SESTD1: variants seen among roughly 807,000 people sequenced by gnomAD.
The protein encoded by SESTD1 is SEC14 and spectrin domain containing 1.
Under a neutral mutation model 101.7 loss-of-function variants are expected in SESTD1, and 43 were observed. The observed-to-expected ratio is 0.42, with a 90% confidence interval of 0.33 to 0.55. The LOEUF (loss-of-function observed/expected upper bound fraction) is 0.55. Among genes scored for constraint, SESTD1 ranks in the 20% least tolerant of loss-of-function variants. SESTD1 has a pLI of 0.07. For missense variants in SESTD1, 647 were observed against 815.1 expected, an observed-to-expected ratio of 0.79 and a Z score of 2.51; for synonymous variants, 283 against 286.8, an observed-to-expected ratio of 0.99 and a Z score of 0.13.
At chr2:179,221,249 T>C (rs1315974790) in intron 1 of SESTD1, among the ~76,000 whole-genome samples, 1 of 151,518 alleles carries the variant, frequency 6.6e-6, no homozygotes, top group Non-Finnish European at 1.5e-5. Context: ...ATTATAATAG[T>C]GTTACCAAGG....
chr2:179,202,747 C>G (rs2046537535), intron 1 of SESTD1, among the ~76,000 whole-genome samples: 1 of 135,186 alleles, frequency 7.4e-6, no homozygotes, highest in East Asian at 2.0e-4. Context: ...TGAATGGAAT[C>G]ATTCTCTCCC....
chr2:179,169,457 CAG>C (rs1284700307), intron 5 of SESTD1, among the ~76,000 whole-genome samples: 10 of 151,888 alleles, frequency 6.6e-5, no homozygotes, highest in African/African-American at 2.2e-4. Context: ...CAAAAACTGA[CAG>C]AAATAAAATA....
intron 1 of SESTD1, among the ~76,000 whole-genome samples, chr2:179,258,296 A>T (rs6731614): frequency 0.27 from 40,618 of 152,038 alleles, 5,826 homozygotes; most frequent in South Asian, 0.4. Flanking sequence ...AATAGATAGA[A>T]TTCCTAAACT....
chr2:179,180,204 T>C (rs190023455), intron 3 of SESTD1, among the ~76,000 whole-genome samples: 29 of 152,350 alleles, frequency 1.9e-4, no homozygotes, highest in Admixed American at 3.9e-4. Flanking sequence ...AATAGCTATG[T>C]ATCACACTTT....
intron 3 of SESTD1, among the ~76,000 whole-genome samples, chr2:179,178,309 C>A (rs1240475579): frequency 3.9e-5 from 6 of 152,150 alleles, no homozygotes; most frequent in East Asian, 1.9e-4. Context: ...ACAGTGATCA[C>A]TTGTGGGTTA....
At chr2:179,139,712 C>A (rs912177529) in intron 9 of SESTD1, among the ~76,000 whole-genome samples, 21 of 152,134 alleles carry the variant, frequency 1.4e-4, no homozygotes, top group Non-Finnish European at 2.8e-4. Flanking sequence ...AGGGGCCCCA[C>A]AAGACACCGA....
intron 17 of SESTD1, among the ~76,000 whole-genome samples, chr2:179,111,093 G>T (rs375449508): frequency 2.0e-5 from 3 of 152,112 alleles, no homozygotes; most frequent in African/African-American, 7.2e-5. Flanking sequence ...GTGAAATGTA[G>T]GAATCAGGGA....
chr2:179,264,007 G>C (rs77100570), intron 1 of SESTD1: 1 of 152,262 alleles, frequency 6.6e-6, no homozygotes, highest in Non-Finnish European at 1.5e-5. Context: ...TCACACAAAG[G>C]AGCCAGTCGC....
At chr2:179,177,629 A>G (rs921009597) in intron 3 of SESTD1, among the ~76,000 whole-genome samples, 2 of 152,204 alleles carry the variant, frequency 1.3e-5, no homozygotes, top group African/African-American at 4.8e-5. Context: ...GATATTGCTA[A>G]AAGTTTAGAG....
At chr2:179,142,841 T>G (rs1361713918) in intron 9 of SESTD1, among the ~76,000 whole-genome samples, 1 of 152,126 alleles carries the variant, frequency 6.6e-6, no homozygotes, top group Non-Finnish European at 1.5e-5. Context: ...CTCCCTAAAC[T>G]TATTGATAGT....
intron 1 of SESTD1, among the ~76,000 whole-genome samples, chr2:179,224,862 C>A (rs1233152772): frequency 6.6e-6 from 1 of 152,156 alleles, no homozygotes. Flanking sequence ...CCCTGTGTAT[C>A]TCTTCCATGT....
chr2:179,120,107 T>C (rs1464562445), intron 13 of SESTD1, among the ~76,000 whole-genome samples: 1 of 152,038 alleles, frequency 6.6e-6, no homozygotes, highest in Non-Finnish European at 1.5e-5. Context: ...CACCCGCCTA[T>C]AGTCCCAGCT....
At chr2:179,199,650 T>A (rs1426536329) in intron 1 of SESTD1, among the ~76,000 whole-genome samples, 1 of 152,072 alleles carries the variant, frequency 6.6e-6, no homozygotes, top group Non-Finnish European at 1.5e-5. Flanking sequence ...GCTGGTTCAA[T>A]ATACACAAAT....
intron 1 of SESTD1, among the ~76,000 whole-genome samples, chr2:179,218,416 G>A (rs1437042950): frequency 6.6e-6 from 1 of 152,104 alleles, no homozygotes. Flanking sequence ...GTCATTTAAA[G>A]CAGCACCTAT....
chr2:179,253,102 G>C (rs2047341851), intron 1 of SESTD1, among the ~76,000 whole-genome samples: 2 of 152,144 alleles, frequency 1.3e-5, no homozygotes, highest in Non-Finnish European at 2.9e-5. Context: ...CATGGGAAAA[G>C]AGCAAAGGAC....
At chr2:179,165,237 C>T (rs993133055) in intron 5 of SESTD1, among the ~76,000 whole-genome samples, 1 of 152,182 alleles carries the variant, frequency 6.6e-6, no homozygotes, top group African/African-American at 2.4e-5. Context: ...TCTAAGAAAA[C>T]ATATTGATAT....
At position 179,117,577 on chromosome 2, in the gene SESTD1, C is replaced by T. The variant is rs375265430; in HGVS notation, c.1479G>A (p.Met493Ile). ...EDMVDVRRLK[M>I]LQMVQLFKCE... is the part of the protein sequence containing the mutation. ...ATTTAAACAACTGCACCATCTGAAG[C>T]ATCTTTAACCTTCGCACATCTACCA... The change falls in exon 14 of 18, where the codon ATG becomes ATA. Residue 493 changes from methionine (M) to isoleucine (I), a missense_variant. Coordinates refer to ENST00000428443, the MANE Select transcript of SESTD1 (RefSeq NM_178123.5). The T allele has an allele frequency of 1.1e-5, 18 of 1,587,030 alleles. No homozygotes were observed. The highest frequency in any genetic ancestry group is 1.4e-5 in the African/African-American group (1 of 73,068).
chr2:179,236,769 A>C (rs929152815), intron 1 of SESTD1, among the ~76,000 whole-genome samples: 1 of 127,254 alleles, frequency 7.9e-6, no homozygotes, highest in East Asian at 2.2e-4. Context: ...TTTTTTTTTA[A>C]TTTTTATTTG....
Position 179,106,886 on chromosome 2 carries a change from T to C in SESTD1, c.*3013A>G, listed in dbSNP as rs1045548549. 3 of 151,786 alleles carry C rather than the reference T, an allele frequency of 2.0e-5. No homozygotes were observed. The East Asian group carries it at 5.8e-4, about 29-fold the overall frequency. 9.4% of individuals were successfully genotyped at this position (151,786 alleles called of 1,614,324 possible). A position where few individuals can be genotyped will look rare whatever the true frequency, so the allele number is the denominator to read the frequency against. ...GGGTTAGACATGTGCGAAGAACAGA[T>C]GCCAAACTGCCATTATATATTAAGC... On this transcript the variant is annotated 3_prime_UTR_variant, in exon 18 of 18. Coordinates refer to ENST00000428443, the MANE Select transcript of SESTD1 (RefSeq NM_178123.5).
Sources: gnomAD v4.1 joint callset for allele counts (sites outside exome capture counted in the v4.1 genomes callset) on GRCh38, gnomAD v4.1.1 for gene constraint, MANE v1.5 for transcripts, NCBI Gene and HGNC (gene_info 2026-07-23, HGNC 2026-07-21) for gene names.